The following ABCA1 variants were observed in gnomAD, a reference collection of about 807,000 sequenced individuals.
ABCA1 encodes the protein ATP binding cassette subfamily A member 1.
ABCA1 carries 133 observed loss-of-function variants against 262.5 expected under a neutral mutation model. That is an observed-to-expected ratio of 0.51 (90% CI 0.44 to 0.59). ABCA1 has a LOEUF of 0.59. Ranked by LOEUF, ABCA1 falls within the 20% of genes least tolerant of loss-of-function variation. The pLI, the probability that ABCA1 is intolerant of heterozygous loss-of-function variation, is 0.00. For missense variants in ABCA1, 2,452 were observed against 2,777.5 expected (o/e 0.88, Z 2.63); for synonymous variants, 1,022 against 1,043.5 (o/e 0.98, Z 0.40).
At chr9:104,794,861 T>A (rs1032424861) in intron 39 of ABCA1, among the ~76,000 whole-genome samples, 8 of 152,212 alleles carry the variant, frequency 5.3e-5, no homozygotes, top group Admixed American at 2.6e-4. Flanking sequence ...GGTCAATATT[T>A]GAGTTTCAGG....
intron 5 of ABCA1, among the ~76,000 whole-genome samples, chr9:104,865,052 C>T (rs1405609471): frequency 6.6e-6 from 1 of 152,224 alleles, no homozygotes; most frequent in Non-Finnish European, 1.5e-5. Context: ...CTACAAAGAA[C>T]TTGCAGCCTG....
intron 14 of ABCA1, among the ~76,000 whole-genome samples, chr9:104,830,109 A>G (rs991624530): frequency 6.6e-6 from 1 of 152,202 alleles, no homozygotes; most frequent in Non-Finnish European, 1.5e-5. Flanking sequence ...ATTACATCCA[A>G]AGGCATAGTT....
chr9:104,801,841 G>A (rs1830367251), intron 34 of ABCA1, among the ~76,000 whole-genome samples: 1 of 152,164 alleles, frequency 6.6e-6, no homozygotes, highest in African/African-American at 2.4e-5. Flanking sequence ...ACAGCTCCTG[G>A]CCTCTGGATT....
chr9:104,845,508 A>C lies in ABCA1; in HGVS notation c.782T>G (p.Leu261Trp). ...SKELAEATKT[L>W]LHSLGTLAQE... The stretch of plus-strand genomic sequence containing the variant: ...GGCCAGAGTCCCAAGACTATGCAGC[A>C]ATGTTTTTGTGGCTTCAGCCAGCTC... The change falls in exon 8 of 50, where the codon TTG becomes TGG. Residue 261 changes from leucine (L) to tryptophan (W), a missense_variant. By Grantham distance (61) the Leu-to-Trp change is moderately conservative (BLOSUM62 -2). Around this residue, in one of 4 missense-constraint regions of ABCA1, gnomAD observed 1,032 missense variants for 1,089.7 expected, o/e 0.95. Transcript: ENST00000374736. 3 of 1,614,140 alleles carry C rather than the reference A, an allele frequency of 1.9e-6. No individual in the cohort carries two copies. In the Admixed American group the frequency reaches 5.0e-5, roughly 27 times the overall value.
At chr9:104,914,403 C>T (rs902687905) in intron 1 of ABCA1, among the ~76,000 whole-genome samples, 1 of 151,440 alleles carries the variant, frequency 6.6e-6, no homozygotes, top group Non-Finnish European at 1.5e-5. Flanking sequence ...TCAAGTGAGA[C>T]CATCAAGTCT....
Position 104,783,830 on chromosome 9 carries a change from A to G in ABCA1, c.*485T>C, listed in dbSNP as rs1250085034. On this transcript the variant is annotated 3_prime_UTR_variant, in exon 50 of 50. Coordinates refer to ENST00000374736, the MANE Select transcript of ABCA1 (RefSeq NM_005502.4). ...AAAACTTGGCACTAATAACTCTGGC[A>G]CACTCATTGCCAGCAATGGATGTGT... 1 of 168,716 alleles carries G rather than the reference A, an allele frequency of 5.9e-6. No individual in the cohort carries two copies. The highest frequency in any genetic ancestry group is 2.4e-5 in the African/African-American group (1 of 41,600). The allele number at this position is 168,716 out of a possible 1,614,324, so 10.5% of individuals were successfully genotyped here. A position where few individuals can be genotyped will look rare whatever the true frequency, so the allele number is the denominator to read the frequency against.
At chr9:104,831,491 CAAGTT>C (rs1833319007) in intron 13 of ABCA1, 126 bp downstream of exon 13, 4 of 761,234 alleles carry the variant, frequency 5.3e-6, no homozygotes, top group Non-Finnish European at 8.3e-6. Flanking sequence ...ATCATGACAC[CAAGTT>C]GAGTTTTTTT....
chr9:104,820,818 T>C (rs1588298471), intron 20 of ABCA1, among the ~76,000 whole-genome samples: 1 of 152,158 alleles, frequency 6.6e-6, no homozygotes, highest in East Asian at 1.9e-4. Flanking sequence ...GGAAGCAATG[T>C]TTCCCAAGCC....
chr9:104,924,414 A>G (rs1026036390), intron 1 of ABCA1, among the ~76,000 whole-genome samples: 1 of 152,102 alleles, frequency 6.6e-6, no homozygotes, highest in Non-Finnish European at 1.5e-5. Context: ...GCTTGAGACC[A>G]GCCTGGCCAA....
At chr9:104,847,389 C>T (rs1029370790) in intron 7 of ABCA1, among the ~76,000 whole-genome samples, 2 of 152,138 alleles carry the variant, frequency 1.3e-5, no homozygotes, top group Admixed American at 6.6e-5. Flanking sequence ...TTTATAAGCA[C>T]TAAAACTAGA....
chr9:104,799,766 C>T (rs1830182177), intron 36 of ABCA1, 53 bp downstream of exon 36: 1 of 1,614,022 alleles, frequency 6.2e-7, no homozygotes. Flanking sequence ...CTCCCCTTCT[C>T]CATAACCCTC....
At chr9:104,836,335 C>G (rs1444522612) in intron 11 of ABCA1, among the ~76,000 whole-genome samples, 3 of 152,168 alleles carry the variant, frequency 2.0e-5, no homozygotes, top group Non-Finnish European at 4.4e-5. Context: ...CCTCCCTCAC[C>G]ATGGAAACAG....
chr9:104,845,137 T>C (rs1414327950), intron 8 of ABCA1, among the ~76,000 whole-genome samples: 1 of 152,200 alleles, frequency 6.6e-6, no homozygotes, highest in African/African-American at 2.4e-5. Context: ...GAGAAATTGC[T>C]GGTCAGACAA....
chr9:104,806,124 A>G lies in ABCA1; in HGVS notation c.4464+117T>C, dbSNP rs1019397004. 24 of 1,178,372 alleles carry G rather than the reference A, an allele frequency of 2.0e-5. No homozygotes were observed. In the Admixed American group the frequency reaches 5.5e-4, roughly 27 times the overall value. The allele number at this position is 1,178,372 out of a possible 1,614,324, so 73.0% of individuals were successfully genotyped here. ...CGCCTCAGAAAAAAAAACAAAAAAC[A>G]AAAAAGACTGAAACAGACCCTCCCA... On this transcript the variant is annotated intron_variant, in intron 31 of 49. Coordinates refer to ENST00000374736, the MANE Select transcript of ABCA1 (RefSeq NM_005502.4).
intron 1 of ABCA1, among the ~76,000 whole-genome samples, chr9:104,925,431 G>C (rs1461875782): frequency 4.0e-5 from 6 of 151,562 alleles, no homozygotes; most frequent in Admixed American, 3.9e-4. Flanking sequence ...GTAGAAATAC[G>C]AGGGTTGAGA....
chr9:104,827,925 C>G (rs565418551), intron 15 of ABCA1, among the ~76,000 whole-genome samples: 5 of 152,160 alleles, frequency 3.3e-5, no homozygotes, highest in Admixed American at 6.5e-5. Context: ...TTTAAACAGT[C>G]CTTGGCAATC....
At chr9:104,879,028 T>C (rs1023945358) in intron 5 of ABCA1, among the ~76,000 whole-genome samples, 5 of 151,674 alleles carry the variant, frequency 3.3e-5, no homozygotes, top group East Asian at 1.9e-4. Context: ...TGAGCCAAGA[T>C]TGCGCCACTG....
chr9:104,841,886 G>A (rs1834411109), intron 8 of ABCA1, among the ~76,000 whole-genome samples: 1 of 152,234 alleles, frequency 6.6e-6, no homozygotes, highest in South Asian at 2.1e-4. Flanking sequence ...AATATTTATA[G>A]AGTACTTTGT....
chr9:104,851,136 C>A (rs747596014), intron 7 of ABCA1, among the ~76,000 whole-genome samples: 4 of 152,196 alleles, frequency 2.6e-5, no homozygotes, highest in Admixed American at 6.5e-5. Flanking sequence ...AAGATAAAGG[C>A]TGTTGTGCCC....
Sources: gnomAD v4.1 joint callset for allele counts (sites outside exome capture counted in the v4.1 genomes callset) on GRCh38, gnomAD v4.1.1 for gene constraint, gnomAD v4.1.1 regional missense constraint, MANE v1.5 for transcripts, NCBI Gene and HGNC (gene_info 2026-07-23, HGNC 2026-07-21) for gene names.